The following LYPLAL1 variants were observed in gnomAD, a reference collection of about 807,000 sequenced individuals.
LYPLAL1 encodes the protein lysophospholipase-like protein 1.
LYPLAL1 carries 23 observed loss-of-function variants against 19.7 expected under a neutral mutation model. The observed-to-expected ratio is 1.17, with a 90% CI of 0.84 to 1.65. The LOEUF is 1.65. LYPLAL1 is among the 40% of genes most tolerant of loss of function. LYPLAL1 has a pLI of 0.00. For synonymous variants in LYPLAL1, 119 were observed against 96.3 expected, an observed-to-expected ratio of 1.24 and a Z score of -1.38; for missense variants, 355 against 279.4, an observed-to-expected ratio of 1.27 and a Z score of -1.93.
At chr1:219,357,499 C>T in the LYPLAL1 span, among the ~76,000 whole-genome samples, 1 of 152,176 alleles carries the variant, frequency 6.6e-6, no homozygotes, top group Non-Finnish European at 1.5e-5. Context: ...ATACCATACT[C>T]ACTACTAGAA....
At chr1:219,282,508 C>A in the LYPLAL1 span, among the ~76,000 whole-genome samples, 236 of 137,988 alleles carry the variant, frequency 1.7e-3, no homozygotes, top group Middle Eastern at 3.7e-3. Flanking sequence ...CAATGAATGA[C>A]AAAAAAAAAA....
the LYPLAL1 span, among the ~76,000 whole-genome samples, chr1:219,380,833 G>A: frequency 1.7e-4 from 26 of 152,020 alleles, no homozygotes; most frequent in Admixed American, 4.6e-4. Context: ...ACAAATACTC[G>A]GCCCTGTTGG....
At chr1:219,420,484 C>T in the LYPLAL1 span, among the ~76,000 whole-genome samples, 3 of 152,120 alleles carry the variant, frequency 2.0e-5, no homozygotes, top group Admixed American at 6.6e-5. Flanking sequence ...TGGAAGCTGT[C>T]CTTGGAAAGT....
chr1:219,367,358 T>C, the LYPLAL1 span, among the ~76,000 whole-genome samples: 20,416 of 152,224 alleles, frequency 0.13, 1,730 homozygotes, highest in East Asian at 0.28. Flanking sequence ...CCGATTTTTC[T>C]GAAATAAACA....
the LYPLAL1 span, among the ~76,000 whole-genome samples, chr1:219,324,392 C>T: frequency 6.6e-6 from 1 of 152,212 alleles, no homozygotes; most frequent in Non-Finnish European, 1.5e-5. Context: ...ACTATCCTTT[C>T]ACTCTGCAGA....
the LYPLAL1 span, among the ~76,000 whole-genome samples, chr1:219,321,047 A>G: frequency 6.6e-6 from 1 of 152,208 alleles, no homozygotes; most frequent in East Asian, 1.9e-4. Context: ...ACTAGTTTAC[A>G]GTCCCACCAA....
the LYPLAL1 span, among the ~76,000 whole-genome samples, chr1:219,395,677 C>A: frequency 1.3e-5 from 2 of 152,232 alleles, no homozygotes; most frequent in East Asian, 3.9e-4. Context: ...GAGTCTTTGT[C>A]ATGAAATCTT....
chr1:219,304,740 C>A, the LYPLAL1 span, among the ~76,000 whole-genome samples: 1 of 152,104 alleles, frequency 6.6e-6, no homozygotes, highest in African/African-American at 2.4e-5. Context: ...AGGAAAGGCA[C>A]CAGACCCTAG....
the LYPLAL1 span, among the ~76,000 whole-genome samples, chr1:219,401,394 C>G: frequency 7.1e-6 from 1 of 141,710 alleles, no homozygotes; most frequent in East Asian, 2.3e-4. Context: ...AAAACATATT[C>G]ATTCATGTGT....
the LYPLAL1 span, among the ~76,000 whole-genome samples, chr1:219,331,040 T>C: frequency 1.7e-4 from 26 of 152,318 alleles, no homozygotes; most frequent in East Asian, 5.0e-3. Context: ...AAAGGTATGA[T>C]TCAACACATC....
chr1:219,300,432 A>C, the LYPLAL1 span, among the ~76,000 whole-genome samples: 16 of 152,176 alleles, frequency 1.1e-4, no homozygotes, highest in Non-Finnish European at 1.9e-4. Context: ...AATTTTTAAA[A>C]ATTTTTACTT....
the LYPLAL1 span, among the ~76,000 whole-genome samples, chr1:219,425,919 G>T: frequency 6.6e-6 from 1 of 152,212 alleles, no homozygotes; most frequent in African/African-American, 2.4e-5. Flanking sequence ...TTTCAGGAAA[G>T]TTCTGTAGCT....
intron 1 of LYPLAL1, chr1:219,174,354 A>G: frequency 9.7e-7 from 1 of 1,028,192 alleles, no homozygotes; most frequent in Non-Finnish European, 1.2e-6. Flanking sequence ...ATTATCAGCT[A>G]CTAGTGATTT....
At chr1:219,280,283 T>G in the LYPLAL1 span, among the ~76,000 whole-genome samples, 1 of 152,168 alleles carries the variant, frequency 6.6e-6, no homozygotes, top group South Asian at 2.1e-4. Flanking sequence ...TATATAAAGT[T>G]TTTTGATGCC....
At chr1:219,224,939 C>T in the LYPLAL1 span, among the ~76,000 whole-genome samples, 13 of 152,244 alleles carry the variant, frequency 8.5e-5, no homozygotes, top group Non-Finnish European at 1.6e-4. Flanking sequence ...TTTGATTAAC[C>T]TCCGATTCTA....
intron 2 of LYPLAL1, among the ~76,000 whole-genome samples, chr1:219,181,363 G>A (rs574447014): frequency 2.0e-5 from 3 of 152,202 alleles, no homozygotes; most frequent in Admixed American, 6.5e-5. Flanking sequence ...CTTAGTTTTA[G>A]AACTTAAAGA....
At chr1:219,378,578 G>A in the LYPLAL1 span, among the ~76,000 whole-genome samples, 1 of 152,040 alleles carries the variant, frequency 6.6e-6, no homozygotes, top group African/African-American at 2.4e-5. Context: ...AGTAGGGATG[G>A]GAGTAAAAAG....
the LYPLAL1 span, among the ~76,000 whole-genome samples, chr1:219,233,710 C>T: frequency 4.6e-3 from 695 of 151,414 alleles, 5 homozygotes; most frequent in South Asian, 0.023. Flanking sequence ...GTCGAGGCTG[C>T]AGTGAGCTTG....
chr1:219,333,115 A>T, the LYPLAL1 span, among the ~76,000 whole-genome samples: 1 of 151,786 alleles, frequency 6.6e-6, no homozygotes, highest in Non-Finnish European at 1.5e-5. Flanking sequence ...TCATTTTCTC[A>T]CCCTGCCAAG....
Sources: gnomAD v4.1 joint callset for allele counts (sites outside exome capture counted in the v4.1 genomes callset) on GRCh38, gnomAD v4.1.1 for gene constraint, MANE v1.5 for transcripts, NCBI Gene and HGNC (gene_info 2026-07-23, HGNC 2026-07-21) for gene names.